Variants in MLLT3 observed in about 807,000 individuals in gnomAD.
MLLT3 encodes the protein protein AF-9.
Under a neutral mutation model 53.2 loss-of-function variants are expected in MLLT3, and 4 were observed. The observed-to-expected ratio is 0.08, with a 90% CI of 0.04 to 0.17. MLLT3 has a LOEUF of 0.17. Among genes scored for constraint, MLLT3 ranks in the 10% least tolerant of loss-of-function variants. MLLT3 has a pLI of 1.00. For missense variants in MLLT3, 569 were observed against 684.0 expected (o/e 0.83, Z 1.87); for synonymous variants, 283 against 230.6 (o/e 1.23, Z -2.06).
intron 2 of MLLT3, among the ~76,000 whole-genome samples, chr9:20,573,026 C>G (rs1386123815): frequency 6.6e-6 from 1 of 152,052 alleles, no homozygotes; most frequent in East Asian, 1.9e-4. Context: ...GACTAGGAGA[C>G]TTAATGAAAT....
At chr9:20,440,654 T>A (rs905886870) in intron 4 of MLLT3, among the ~76,000 whole-genome samples, 4 of 152,128 alleles carry the variant, frequency 2.6e-5, no homozygotes, top group African/African-American at 7.2e-5. Context: ...GTATGCATCC[T>A]TGAAACAAGT....
At chr9:20,441,464 T>C (rs1268879986) in intron 4 of MLLT3, among the ~76,000 whole-genome samples, 1 of 152,116 alleles carries the variant, frequency 6.6e-6, no homozygotes, top group African/African-American at 2.4e-5. Context: ...ATATGTATGT[T>C]CCACTTTCAT....
At position 20,491,500 on chromosome 9, in the gene MLLT3, T is replaced by C. The variant is rs1273363550; in HGVS notation, c.194-34714A>G. Among the ~76,000 whole-genome samples, 8 of 152,266 alleles carry C rather than the reference T, an allele frequency of 5.3e-5. No individual in the cohort carries two copies. The East Asian group carries it at 1.5e-3, about 29-fold the overall frequency. On this transcript the variant is annotated intron_variant, in intron 2 of 10. Coordinates refer to ENST00000380338, the MANE Select transcript of MLLT3 (RefSeq NM_004529.4). ...CCAAAAATGAAATCTAATATTTATT[T>C]TATGAGGAAGATAAACAGCCAGTCA... is the stretch of plus-strand genomic sequence containing the variant.
chr9:20,523,929 C>T (rs1818132677), intron 2 of MLLT3, among the ~76,000 whole-genome samples: 1 of 151,674 alleles, frequency 6.6e-6, no homozygotes, highest in Admixed American at 6.6e-5. Context: ...CAAGATCATG[C>T]CACTGCTCTC....
At chr9:20,558,904 G>A (rs1000531873) in intron 2 of MLLT3, among the ~76,000 whole-genome samples, 6 of 152,212 alleles carry the variant, frequency 3.9e-5, no homozygotes, top group Non-Finnish European at 8.8e-5. Context: ...CAAACAGAAA[G>A]GAAGGGGAGA....
chr9:20,489,470 A>C (rs1315697859), intron 2 of MLLT3, among the ~76,000 whole-genome samples: 1 of 152,182 alleles, frequency 6.6e-6, no homozygotes, highest in Non-Finnish European at 1.5e-5. Flanking sequence ...ACATCCACAG[A>C]TGGTAAGAGA....
chr9:20,590,893 C>T (rs967438177), intron 2 of MLLT3, among the ~76,000 whole-genome samples: 3 of 144,732 alleles, frequency 2.1e-5, no homozygotes, highest in Non-Finnish European at 4.6e-5. Context: ...ACATGCATCA[C>T]CATACTTAGC....
At chr9:20,504,302 A>T (rs1240356062) in intron 2 of MLLT3, among the ~76,000 whole-genome samples, 1 of 152,118 alleles carries the variant, frequency 6.6e-6, no homozygotes, top group African/African-American at 2.4e-5. Context: ...AGTGTCCATG[A>T]AGAGAAGAAT....
intron 2 of MLLT3, among the ~76,000 whole-genome samples, chr9:20,494,563 C>T (rs545467748): frequency 6.6e-6 from 1 of 152,224 alleles, no homozygotes; most frequent in African/African-American, 2.4e-5. Flanking sequence ...CTGAAGTTTT[C>T]TTTAAAAATA....
intron 5 of MLLT3, among the ~76,000 whole-genome samples, chr9:20,394,062 G>C (rs1470814179): frequency 1.3e-5 from 2 of 152,078 alleles, no homozygotes; most frequent in Non-Finnish European, 2.9e-5. Context: ...CCCTGATTCT[G>C]ATTCTTTCCA....
intron 5 of MLLT3, among the ~76,000 whole-genome samples, chr9:20,403,422 C>T (rs530500650): frequency 6.6e-6 from 1 of 152,260 alleles, no homozygotes; most frequent in Admixed American, 6.5e-5. Context: ...TGGCATATAA[C>T]ACACAACCTC....
In MLLT3 at chr9:20,346,378, C is replaced by CT; in HGVS notation, c.*64_*65insA. ...AAACAACAAGAACAAAAAATCACAA[C>CT]CAAAAAAAAAAAAAACCAAAAAAAA... On this transcript the variant is annotated 3_prime_UTR_variant, in exon 11 of 11. Coordinates refer to ENST00000380338, the MANE Select transcript of MLLT3 (RefSeq NM_004529.4). 1 of 1,233,812 alleles carries CT rather than the reference C, an allele frequency of 8.1e-7. No homozygotes were observed. The highest frequency in any genetic ancestry group is 1.1e-6 in the Non-Finnish European group (1 of 925,064). 76.4% of individuals were successfully genotyped at this position (1,233,812 alleles called of 1,614,324 possible).
intron 2 of MLLT3, among the ~76,000 whole-genome samples, chr9:20,588,257 G>C (rs375146410): frequency 6.6e-6 from 1 of 150,568 alleles, no homozygotes; most frequent in Non-Finnish European, 1.5e-5. Flanking sequence ...TTGTAGTATA[G>C]TTTGAAGTCA....
intron 2 of MLLT3, among the ~76,000 whole-genome samples, chr9:20,562,576 C>T (rs2131153780): frequency 6.6e-6 from 1 of 152,028 alleles, no homozygotes; most frequent in South Asian, 2.1e-4. Context: ...ATAAAAGAAA[C>T]TGCAAATGCA....
chr9:20,553,795 C>T (rs1031437690), intron 2 of MLLT3, among the ~76,000 whole-genome samples: 2 of 151,744 alleles, frequency 1.3e-5, no homozygotes, highest in Middle Eastern at 6.9e-3. Flanking sequence ...ACATTAGAAA[C>T]TTTCCTTGCC....
intron 2 of MLLT3, among the ~76,000 whole-genome samples, chr9:20,536,148 G>T (rs927779637): frequency 6.6e-6 from 1 of 151,664 alleles, no homozygotes; most frequent in African/African-American, 2.4e-5. Context: ...TCAGCCATGC[G>T]ACTACCATTA....
intron 2 of MLLT3, among the ~76,000 whole-genome samples, chr9:20,508,531 G>C (rs1008440849): frequency 6.6e-6 from 1 of 152,148 alleles, no homozygotes; most frequent in African/African-American, 2.4e-5. Context: ...GTAAATCTTA[G>C]AGGTAAAGAA....
intron 5 of MLLT3, chr9:20,412,017 A>AT (rs1287261964): frequency 6.6e-6 from 1 of 152,148 alleles, no homozygotes; most frequent in Admixed American, 6.5e-5. Context: ...TAGTTTTCTG[A>AT]TTTTTTTAAT....
At chr9:20,419,193 A>C (rs566173139) in intron 4 of MLLT3, among the ~76,000 whole-genome samples, 1 of 152,236 alleles carries the variant, frequency 6.6e-6, no homozygotes, top group Admixed American at 6.5e-5. Flanking sequence ...TCTGGAAAAA[A>C]ATGTTTAATT....
Sources: allele counts gnomAD v4.1 joint callset (sites outside exome capture counted in the v4.1 genomes callset), GRCh38; gene constraint gnomAD v4.1.1; transcripts MANE v1.5; gene names NCBI Gene and HGNC (gene_info 2026-07-23, HGNC 2026-07-21).